The following MACROD2 variants were observed in gnomAD, a reference collection of about 807,000 sequenced individuals.
MACROD2 encodes the protein mono-ADP ribosylhydrolase 2, also known as ADP-ribose glycohydrolase MACROD2.
In MACROD2, 36 loss-of-function variants were observed where a neutral mutation model predicts 70.4. That is an observed-to-expected ratio of 0.51 (90% CI 0.39 to 0.68). MACROD2 has a LOEUF of 0.68. MACROD2 is among the 30% of genes least tolerant of loss of function. The pLI is 0.00. For missense variants in MACROD2, 496 were observed against 538.4 expected (o/e 0.92, Z 0.78); for synonymous variants, 172 against 178.8 (o/e 0.96, Z 0.30).
At chr20:15,618,744 C>G (rs964112194) in intron 8 of MACROD2, among the ~76,000 whole-genome samples, 14 of 152,166 alleles carry the variant, frequency 9.2e-5, no homozygotes, top group African/African-American at 2.9e-4. Context: ...CATCACAGGA[C>G]TTGTAACTGC....
intron 6 of MACROD2, among the ~76,000 whole-genome samples, chr20:15,397,577 G>T (rs758941984): frequency 6.6e-6 from 1 of 152,188 alleles, no homozygotes; most frequent in Admixed American, 6.5e-5. Context: ...GATTACAGGT[G>T]TGAGCCACTG....
rs965847803 is a variant in MACROD2 at position 16,026,067 on chromosome 20, C to T, written c.1154-15134C>T. ...ACTGGGGAGGCTGAGGCAGGAGAAT[C>T]GCTTGAACCCAGGAGGTGAAGGTTG... is the stretch of plus-strand genomic sequence containing the variant. On this transcript the variant is annotated intron_variant, in intron 15 of 17. Coordinates refer to ENST00000684519, the MANE Select transcript of MACROD2 (RefSeq NM_001351661.2). 4.6e-5 allele frequency among the ~76,000 whole-genome samples: 7 copies of T among 151,960 alleles called. 1 individual carries two copies. Among genetic ancestry groups the T allele is most frequent in the Non-Finnish European group, 7.4e-5 (5 of 67,986 alleles).
intron 5 of MACROD2, among the ~76,000 whole-genome samples, chr20:15,195,771 G>C (rs6043129): frequency 4.1e-4 from 62 of 152,204 alleles, no homozygotes; most frequent in African/African-American, 1.5e-3. Context: ...TTATAAAGAT[G>C]CATGCATGCA....
chr20:14,460,303 T>A (rs1307619157), intron 3 of MACROD2, among the ~76,000 whole-genome samples: 1 of 152,162 alleles, frequency 6.6e-6, no homozygotes, highest in Admixed American at 6.5e-5. Context: ...ATCGCCACAC[T>A]GTCTTCCACA....
chr20:14,673,009 C>T (rs1376645432), intron 4 of MACROD2, among the ~76,000 whole-genome samples: 1 of 152,152 alleles, frequency 6.6e-6, no homozygotes, highest in African/African-American at 2.4e-5. Context: ...GACCATGCAT[C>T]AAGCGGCTCC....
At chr20:15,118,169 T>A (rs991329842) in intron 5 of MACROD2, among the ~76,000 whole-genome samples, 2 of 150,822 alleles carry the variant, frequency 1.3e-5, no homozygotes, top group Non-Finnish European at 2.9e-5. Context: ...AAGCAGTGCA[T>A]CTAAAGTGAG....
chr20:16,024,559 A>G (rs2067051593), intron 15 of MACROD2, among the ~76,000 whole-genome samples: 1 of 152,114 alleles, frequency 6.6e-6, no homozygotes, highest in African/African-American at 2.4e-5. Flanking sequence ...CAACTACCAC[A>G]TAGCCTCTTT....
rs942903439 is a variant in MACROD2, at chr20:14,867,519, C to T, written c.418+182560C>T. 4.6e-5 allele frequency among the ~76,000 whole-genome samples: 7 copies of T among 152,168 alleles called. 1 individual carries two copies. The highest frequency in any genetic ancestry group is 4.1e-4 in the South Asian group (2 of 4,822). On this transcript the variant is annotated intron_variant, in intron 5 of 17. Coordinates refer to ENST00000684519, the MANE Select transcript of MACROD2 (RefSeq NM_001351661.2). ...CTAGACACAGGAAAGTTGCTATAAG[C>T]GATGGGATTTTGAATTCTACATGGA...
At chr20:14,200,360 C>A (rs1186940321) in intron 3 of MACROD2, among the ~76,000 whole-genome samples, 1 of 152,188 alleles carries the variant, frequency 6.6e-6, no homozygotes, top group African/African-American at 2.4e-5. Context: ...ACAACACACA[C>A]TGGGGCCTAT....
At chr20:15,257,249 G>T (rs4813175) in intron 6 of MACROD2, among the ~76,000 whole-genome samples, 52,548 of 151,760 alleles carry the variant, frequency 0.35, 10,313 homozygotes, top group African/African-American at 0.53. Context: ...CGAAATGAAT[G>T]TTAATAAATC....
chr20:15,978,183 A>G (rs1421612130), intron 13 of MACROD2, among the ~76,000 whole-genome samples: 1 of 152,182 alleles, frequency 6.6e-6, no homozygotes, highest in African/African-American at 2.4e-5. Flanking sequence ...AGGTAATTCC[A>G]GTGTTGCTTG....
chr20:14,743,899 A>G (rs531248084), intron 5 of MACROD2, among the ~76,000 whole-genome samples: 7 of 152,154 alleles, frequency 4.6e-5, no homozygotes, highest in Non-Finnish European at 1.0e-4. Flanking sequence ...AAGTCAGAGG[A>G]GAGGGTGATA....
chr20:15,709,711 CAG>C (rs1319632156), intron 8 of MACROD2, among the ~76,000 whole-genome samples: 2 of 152,130 alleles, frequency 1.3e-5, no homozygotes, highest in Non-Finnish European at 2.9e-5. Context: ...GAGGTATGTA[CAG>C]AGTTTTAATA....
chr20:15,134,992 C>T (rs927796509), intron 5 of MACROD2, among the ~76,000 whole-genome samples: 2 of 152,210 alleles, frequency 1.3e-5, no homozygotes, highest in African/African-American at 4.8e-5. Flanking sequence ...TCGACACATA[C>T]ACCCTCCCAA....
chr20:15,309,795 T>A (rs1398047142), intron 6 of MACROD2, among the ~76,000 whole-genome samples: 1 of 152,160 alleles, frequency 6.6e-6, no homozygotes, highest in Non-Finnish European at 1.5e-5. Context: ...AGAGAAGGCT[T>A]CAAAGAGAAA....
intron 2 of MACROD2, among the ~76,000 whole-genome samples, chr20:14,065,544 A>G (rs372733747): frequency 6.6e-6 from 1 of 152,196 alleles, no homozygotes; most frequent in Non-Finnish European, 1.5e-5. Flanking sequence ...CTCAACTCAG[A>G]TTAGTAATAA....
intron 9 of MACROD2, among the ~76,000 whole-genome samples, chr20:15,882,218 G>A (rs1232387816): frequency 6.6e-6 from 1 of 152,012 alleles, no homozygotes; most frequent in Non-Finnish European, 1.5e-5. Context: ...TGGGAGAATC[G>A]CATGAGAATG....
At chr20:14,268,799 A>T (rs898129021) in intron 3 of MACROD2, among the ~76,000 whole-genome samples, 1 of 152,158 alleles carries the variant, frequency 6.6e-6, no homozygotes, top group Non-Finnish European at 1.5e-5. Flanking sequence ...ATTTTAAATT[A>T]TTACAGTGAG....
intron 3 of MACROD2, among the ~76,000 whole-genome samples, chr20:14,307,012 A>AAC (rs3044626): frequency 0.039 from 5,842 of 148,220 alleles, 312 homozygotes; most frequent in African/African-American, 0.12. Flanking sequence ...ACTAAATGTA[A>AAC]ACACACACAC....
Sources: gnomAD v4.1 joint callset for allele counts (sites outside exome capture counted in the v4.1 genomes callset) on GRCh38, gnomAD v4.1.1 for gene constraint, MANE v1.5 for transcripts, NCBI Gene and HGNC (gene_info 2026-07-23, HGNC 2026-07-21) for gene names.